The following UBE3D variants were observed in gnomAD, a reference collection of about 807,000 sequenced individuals.
UBE3D encodes E3 ubiquitin-protein ligase E3D.
UBE3D carries 48 observed loss-of-function variants against 49.6 expected under a neutral mutation model. That is an observed-to-expected ratio of 0.97 (90% confidence interval 0.77 to 1.23). The LOEUF (loss-of-function observed/expected upper bound fraction) is 1.23, where lower values mean the gene tolerates loss of function less well. Among genes scored for constraint, UBE3D ranks in the 50% most tolerant of loss-of-function variants. The probability of loss-of-function intolerance (pLI) is 0.00; values close to 1 mark genes in which losing one functional copy is unlikely to be tolerated. For synonymous variants in UBE3D, 189 were observed against 174.2 expected (o/e 1.08, Z -0.67); for missense variants, 452 against 468.4 (o/e 0.96, Z 0.32).
chr6:82,932,463 TG>T (rs890276911), intron 9 of UBE3D: 9 of 152,170 alleles, frequency 5.9e-5, no homozygotes, highest in African/African-American at 2.4e-5. Context: ...CTCCATGCTG[TG>T]ATCTGCTTGG....
downstream of UBE3D, among the ~76,000 whole-genome samples, chr6:82,891,692 A>G (rs1770980989): frequency 6.6e-6 from 1 of 152,200 alleles, no homozygotes; most frequent in Non-Finnish European, 1.5e-5. Flanking sequence ...AAATCATGAA[A>G]AGTACACCCA....
chr6:83,022,912 G>A (rs1268144169), intron 6 of UBE3D, among the ~76,000 whole-genome samples: 1 of 152,136 alleles, frequency 6.6e-6, no homozygotes, highest in Non-Finnish European at 1.5e-5. Context: ...TACAAAAGAA[G>A]GCAAGAAATT....
At chr6:82,904,794 C>G (rs1475559521) in intron 9 of UBE3D, among the ~76,000 whole-genome samples, 2 of 152,044 alleles carry the variant, frequency 1.3e-5, no homozygotes, top group Non-Finnish European at 2.9e-5. Flanking sequence ...CTATGTTACC[C>G]TAAGTAACAA....
intron 9 of UBE3D, among the ~76,000 whole-genome samples, chr6:82,950,430 C>G (rs1037051350): frequency 6.6e-6 from 1 of 152,054 alleles, no homozygotes; most frequent in Non-Finnish European, 1.5e-5. Context: ...TAAATTAGTA[C>G]AACCAGTATG....
the UBE3D span, among the ~76,000 whole-genome samples, chr6:82,884,235 C>G: frequency 1.4e-4 from 21 of 152,310 alleles, no homozygotes; most frequent in Admixed American, 2.6e-4. Flanking sequence ...ATACCCTAGA[C>G]AGTGAAACTT....
At position 82,915,584 on chromosome 6, in the gene UBE3D, A is replaced by G. The variant is rs561260699; in HGVS notation, c.1150-22542T>C. On this transcript the variant is annotated intron_variant, in intron 9 of 9. Transcript: ENST00000369747. ...CCTGGGGTGGGAGGGGTAGTGAGAG[A>G]TCAGCTGGTCCAACTCTACCTCTCC... Among the ~76,000 whole-genome samples the G allele has an allele frequency of 1.0e-3, 155 of 152,242 alleles. 1 individual carries two copies. Among genetic ancestry groups the G allele is most frequent in the Middle Eastern group, 3.4e-3 (1 of 294 alleles).
intron 8 of UBE3D, among the ~76,000 whole-genome samples, chr6:82,998,316 A>T (rs1443381072): frequency 6.6e-6 from 1 of 152,246 alleles, no homozygotes; most frequent in Admixed American, 6.5e-5. Context: ...ACTCCAGCTG[A>T]CTTTAGGATC....
chr6:83,016,474 C>A (rs1243484333), intron 8 of UBE3D, among the ~76,000 whole-genome samples: 1 of 151,996 alleles, frequency 6.6e-6, no homozygotes, highest in Non-Finnish European at 1.5e-5. Context: ...TATTAAACAG[C>A]CAACTCCAGA....
intron 9 of UBE3D, among the ~76,000 whole-genome samples, chr6:82,895,434 C>T (rs374712150): frequency 6.6e-5 from 10 of 152,238 alleles, no homozygotes; most frequent in African/African-American, 1.9e-4. Context: ...CGGTTGTCAA[C>T]GTAACTGGGA....
intron 8 of UBE3D, among the ~76,000 whole-genome samples, chr6:83,010,163 T>C (rs913880909): frequency 2.6e-5 from 4 of 152,198 alleles, no homozygotes; most frequent in Non-Finnish European, 4.4e-5. Context: ...GTTAAAAAAA[T>C]AGTAAATTTA....
chr6:83,046,678 G>GC (rs1582738962), intron 3 of UBE3D, among the ~76,000 whole-genome samples: 2 of 132,796 alleles, frequency 1.5e-5, no homozygotes, highest in Non-Finnish European at 3.2e-5. Flanking sequence ...TTGGCGGGGG[G>GC]GGTGGGCGGT....
chr6:83,057,224 C>A (rs1470462680), intron 2 of UBE3D, among the ~76,000 whole-genome samples: 2 of 152,176 alleles, frequency 1.3e-5, no homozygotes, highest in Non-Finnish European at 2.9e-5. Context: ...CTCAGAGTGG[C>A]CTTCACTGAT....
intron 9 of UBE3D, among the ~76,000 whole-genome samples, chr6:82,906,225 A>T (rs1042491954): frequency 6.6e-6 from 1 of 152,150 alleles, no homozygotes; most frequent in African/African-American, 2.4e-5. Flanking sequence ...CACTGCTTTT[A>T]ATTAATAGGT....
chr6:83,047,674 A>G (rs1582742035), intron 3 of UBE3D, among the ~76,000 whole-genome samples: 1 of 152,034 alleles, frequency 6.6e-6, no homozygotes, highest in Non-Finnish European at 1.5e-5. Flanking sequence ...ACTTAAAAAG[A>G]CCCTTGGTGG....
At chr6:82,912,488 C>T (rs1404445827) in intron 9 of UBE3D, among the ~76,000 whole-genome samples, 1 of 151,828 alleles carries the variant, frequency 6.6e-6, no homozygotes, top group African/African-American at 2.4e-5. Flanking sequence ...CAGGTACAAT[C>T]ATTACAATGT....
At chr6:82,927,736 A>T (rs1582373099) in intron 9 of UBE3D, among the ~76,000 whole-genome samples, 1 of 140,272 alleles carries the variant, frequency 7.1e-6, no homozygotes, top group Non-Finnish European at 1.5e-5. Flanking sequence ...TGTTATAATC[A>T]CTTATTAGTT....
downstream of UBE3D, among the ~76,000 whole-genome samples, chr6:82,892,076 T>C (rs6931652): frequency 0.33 from 49,629 of 151,936 alleles, 9,492 homozygotes; most frequent in African/African-American, 0.52. Flanking sequence ...AGGCAAGATA[T>C]ATCAGGTGGT....
At chr6:83,021,878 A>C (rs1401633845) in intron 7 of UBE3D, among the ~76,000 whole-genome samples, 7 of 152,116 alleles carry the variant, frequency 4.6e-5, no homozygotes, top group African/African-American at 1.7e-4. Flanking sequence ...CAAAAAAAAA[A>C]CAAAAAACAA....
Position 83,027,434 on chromosome 6 carries a change from CAAAA to C in UBE3D, c.668-3400_668-3397del, listed in dbSNP as rs61225462. On this transcript the variant is annotated intron_variant, in intron 5 of 9. Coordinates refer to ENST00000369747, the MANE Select transcript of UBE3D (RefSeq NM_198920.3). ...CTGGCGACAGAGCGAGACTCCGTCT[CAAAA>C]AAAAAAAAAAAAAAAAAAAAAAAGA... Among the ~76,000 whole-genome samples the C allele has an allele frequency of 8.1e-3, 280 of 34,624 alleles. 5 individuals are homozygous for C. In the Admixed American group the frequency reaches 0.089, roughly 11 times the overall value. The allele number at this position is 34,624 out of a possible 152,430, so 22.7% of individuals were successfully genotyped here.
Sources: gnomAD v4.1 joint callset for allele counts (sites outside exome capture counted in the v4.1 genomes callset) on GRCh38, gnomAD v4.1.1 for gene constraint, MANE v1.5 for transcripts, NCBI Gene and HGNC (gene_info 2026-07-23, HGNC 2026-07-21) for gene names.